COPS8: variants seen among roughly 807,000 people sequenced by gnomAD.
The protein encoded by COPS8 is COP9 signalosome subunit 8.
Under a neutral mutation model 31.5 loss-of-function variants are expected in COPS8, and 11 were observed. The ratio of observed to expected loss-of-function variants is 0.35; its 90% CI spans 0.22 to 0.58. The LOEUF (loss-of-function observed/expected upper bound fraction) is 0.58. Among genes scored for constraint, COPS8 ranks in the 20% least tolerant of loss-of-function variants. The probability of loss-of-function intolerance (pLI) is 0.83; values close to 1 mark genes in which losing one functional copy is unlikely to be tolerated. For missense variants in COPS8, 215 were observed against 255.1 expected (o/e 0.84, Z 1.07); for synonymous variants, 81 against 89.3 (o/e 0.91, Z 0.52).
chr2:237,093,700 G>A (rs1696746700), intron 4 of COPS8: 9 of 987,240 alleles, frequency 9.1e-6, no homozygotes, highest in Non-Finnish European at 1.1e-5. Context: ...GAAAAGGACA[G>A]CTGATTACGC....
At chr2:237,087,344 T>C in intron 2 of COPS8, 147 bp downstream of exon 2, 1 of 574,806 alleles carries the variant, frequency 1.7e-6, no homozygotes. Flanking sequence ...TCCTATTGAA[T>C]CATAGGTTAA....
chr2:237,095,939 A>G (rs1696792639), intron 6 of COPS8, 55 bp downstream of exon 6: 6 of 1,204,434 alleles, frequency 5.0e-6, no homozygotes, highest in Non-Finnish European at 7.4e-6. Context: ...AGACTGCTTC[A>G]GGTTTTCAGT....
At chr2:237,087,674 A>G (rs1411764193) in intron 2 of COPS8, 1 of 194,728 alleles carries the variant, frequency 5.1e-6, no homozygotes, top group Non-Finnish European at 1.1e-5. Flanking sequence ...ACACGCCTGT[A>G]ATCCCAGCAC....
chr2:237,098,697 T>A lies in COPS8; in HGVS notation c.*955T>A, dbSNP rs1696845762. On this transcript the variant is annotated 3_prime_UTR_variant, in exon 8 of 8. Coordinates refer to ENST00000354371, the MANE Select transcript of COPS8 (RefSeq NM_006710.5). ...AATATTTAACTGAATTCTTCAATTA[T>A]TTCATCTAAGATAGTTTCTGGAAAT... 6.6e-6 allele frequency: 1 copy of A among 152,240 alleles called. No homozygotes were observed. Among genetic ancestry groups the A allele is most frequent in the South Asian group, 2.1e-4 (1 of 4,838 alleles). 9.4% of individuals were successfully genotyped at this position (152,240 alleles called of 1,614,324 possible). A position where few individuals can be genotyped will look rare whatever the true frequency, so the allele number is the denominator to read the frequency against.
At chr2:237,096,741 G>A in intron 6 of COPS8, 81 bp from the exon 7 acceptor site, 1 of 1,067,470 alleles carries the variant, frequency 9.4e-7, no homozygotes, top group South Asian at 1.3e-5. Context: ...AATGCATGTT[G>A]TGCTGAAAAT....
rs530878347 is a variant in COPS8, at chr2:237,097,659, A to G, written c.551-4A>G. ...TGAAGTGTGTTTGTTTCTTTAACAT[A>G]CAGAGCCTGCTCCAGTTCCCCCAAT... On this transcript the variant is annotated splice_polypyrimidine_tract_variant and splice_region_variant and intron_variant, in intron 7 of 7. Transcript: ENST00000354371. 5.6e-6 allele frequency: 9 copies of G among 1,611,334 alleles called. No homozygotes were observed. The highest frequency in any genetic ancestry group is 6.8e-6 in the Non-Finnish European group (8 of 1,177,842).
chr2:237,086,698 A>T, intron 1 of COPS8: 11 of 673,400 alleles, frequency 1.6e-5, no homozygotes, highest in Non-Finnish European at 2.0e-5. Context: ...TGTCTTTGCA[A>T]CGCAGCTGTG....
intron 4 of COPS8, among the ~76,000 whole-genome samples, chr2:237,092,005 C>G (rs999903599): frequency 6.6e-6 from 1 of 152,196 alleles, no homozygotes; most frequent in Non-Finnish European, 1.5e-5. Flanking sequence ...GAAGAGGATT[C>G]GAAAGGATGG....
intron 4 of COPS8, among the ~76,000 whole-genome samples, chr2:237,092,021 A>G (rs1396665137): frequency 6.6e-6 from 1 of 152,220 alleles, no homozygotes; most frequent in Non-Finnish European, 1.5e-5. Flanking sequence ...GATGGGAGTG[A>G]CTAGTTCATC....
chr2:237,087,239 A>G (rs753526826), intron 2 of COPS8, 42 bp downstream of exon 2: 11 of 1,430,164 alleles, frequency 7.7e-6, no homozygotes, highest in South Asian at 3.7e-5. Flanking sequence ...CAGGTTTCTC[A>G]AAGTTATATG....
intron 2 of COPS8, chr2:237,087,413 AT>A: frequency 1.9e-6 from 1 of 523,120 alleles, no homozygotes; most frequent in Non-Finnish European, 3.5e-6. Flanking sequence ...ATTTCAATTT[AT>A]TATGACAAAT....
At chr2:237,095,345 A>G (rs1035327522) in intron 5 of COPS8, among the ~76,000 whole-genome samples, 3 of 152,174 alleles carry the variant, frequency 2.0e-5, no homozygotes, top group Non-Finnish European at 4.4e-5. Flanking sequence ...TACCTGTCAA[A>G]CGATGGCCCT....
At chr2:237,096,584 AG>A (rs1156625572) in intron 6 of COPS8, 1 of 569,254 alleles carries the variant, frequency 1.8e-6, no homozygotes, top group African/African-American at 1.9e-5. Context: ...CATACAGTAA[AG>A]GATTCTCAAT....
At chr2:237,095,280 AGTGGCTAT>A (rs1320100739) in intron 5 of COPS8, among the ~76,000 whole-genome samples, 1 of 152,152 alleles carries the variant, frequency 6.6e-6, no homozygotes, top group Non-Finnish European at 1.5e-5. Context: ...CCCTGATGCT[AGTGGCTAT>A]GTGACTTAGG....
chr2:237,091,288 G>A (rs139635174), intron 4 of COPS8, among the ~76,000 whole-genome samples: 8 of 152,088 alleles, frequency 5.3e-5, no homozygotes, highest in South Asian at 4.1e-4. Context: ...CCTTGCTTCC[G>A]GAGTTCAAAT....
Position 237,089,902 on chromosome 2 carries a change from G to A in COPS8, c.239G>A (p.Arg80Lys). Residue 80 changes from arginine to lysine, a missense_variant, in exon 4 of 8, where the codon AGA becomes AAA. Physicochemically the swap from Arg to Lys is conservative, Grantham distance 26 (BLOSUM62 2). Transcript: ENST00000354371. ...ELGGIWSVGQ[R>K]IWQRDFPGIY... ...GGGGGAATTTGGTCAGTAGGACAAA[G>A]AATCTGGCAGAGAGATTTCCCTGGG... The A allele has an allele frequency of 6.2e-7, 1 of 1,613,304 alleles. No individual in the cohort carries two copies. Among genetic ancestry groups the A allele is most frequent in the Non-Finnish European group, 8.5e-7 (1 of 1,179,914 alleles).
intron 4 of COPS8, chr2:237,093,855 A>G: frequency 8.7e-7 from 1 of 1,154,382 alleles, no homozygotes; most frequent in Non-Finnish European, 1.1e-6. Flanking sequence ...TGTAATTTTC[A>G]TTATCTGAGA....
chr2:237,094,315 T>G, intron 5 of COPS8, 118 bp downstream of exon 5: 1 of 955,726 alleles, frequency 1.0e-6, no homozygotes, highest in South Asian at 1.7e-5. Context: ...CCAGGCTGTG[T>G]TTTTTGAGAG....
chr2:237,087,296 A>G, intron 2 of COPS8, 99 bp downstream of exon 2: 2 of 753,230 alleles, frequency 2.7e-6, no homozygotes, highest in Non-Finnish European at 4.4e-6. Context: ...AGGCACAACG[A>G]GCTACCTTTT....
Sources: allele counts gnomAD v4.1 joint callset (sites outside exome capture counted in the v4.1 genomes callset), GRCh38; gene constraint gnomAD v4.1.1; transcripts MANE v1.5; gene names NCBI Gene and HGNC (gene_info 2026-07-23, HGNC 2026-07-21).